Variants in PXDC1 observed in about 807,000 individuals in gnomAD.
PXDC1 encodes the protein PX domain containing 1.
Under a neutral mutation model 24.4 loss-of-function variants are expected in PXDC1, and 13 were observed. The ratio of observed to expected loss-of-function variants is 0.53; its 90% CI spans 0.35 to 0.85. The LOEUF (loss-of-function observed/expected upper bound fraction) is 0.85. PXDC1 is among the 40% of genes least tolerant of loss of function. The pLI is 0.01. For missense variants in PXDC1, 344 were observed against 309.3 expected (o/e 1.11, Z -0.84); for synonymous variants, 162 against 124.9 (o/e 1.30, Z -1.98).
intron 1 of PXDC1, among the ~76,000 whole-genome samples, chr6:3,749,768 G>T (rs1041701767): frequency 1.3e-5 from 2 of 152,192 alleles, no homozygotes; most frequent in African/African-American, 4.8e-5. Flanking sequence ...TACAGGTGGG[G>T]AGCCCCACGG....
At chr6:3,749,475 T>C (rs972793266) in intron 1 of PXDC1, among the ~76,000 whole-genome samples, 2 of 146,194 alleles carry the variant, frequency 1.4e-5, no homozygotes, top group African/African-American at 2.5e-5. Flanking sequence ...CCACACAGCT[T>C]GTGACCGCGT....
rs531095628 is a variant in PXDC1 at position 3,734,700 on chromosome 6, A to C, written c.466+2379T>G. Among the ~76,000 whole-genome samples, 3 of 152,302 alleles carry C rather than the reference A, an allele frequency of 2.0e-5. No individual in the cohort carries two copies. In the South Asian group the frequency reaches 6.2e-4, roughly 32 times the overall value. ...ACATAGGAAGGTATCTTAGGGAGAT[A>C]TCAAAAGCAGCATACCACCCAAAGT... is the stretch of plus-strand genomic sequence containing the variant. On this transcript the variant is annotated intron_variant, in intron 3 of 4. Coordinates refer to ENST00000380283, the MANE Select transcript of PXDC1 (RefSeq NM_183373.4).
chr6:3,732,255 C>A (rs1760216573), intron 3 of PXDC1, among the ~76,000 whole-genome samples: 1 of 152,204 alleles, frequency 6.6e-6, no homozygotes, highest in Non-Finnish European at 1.5e-5. Context: ...TGAAAGCATT[C>A]ATACTCTAGC....
rs535733092 is a variant in PXDC1, at chr6:3,724,803, G to C, written c.579-1067C>G. On this transcript the variant is annotated intron_variant, in intron 4 of 4. Transcript: ENST00000380283. This position sits in a 1 kb window ranked among gnomAD's most constrained non-coding sequence, Gnocchi z 4.5. ...CCGGACACACAACAAGGCAGGGCGAGCATATGTCCCCCACAAACCTAGTAC... is the reference window on the plus strand; with the variant it reads ...CCGGACACACAACAAGGCAGGGCGACCATATGTCCCCCACAAACCTAGTAC... Among the ~76,000 whole-genome samples, 1 of 152,352 alleles carries C rather than the reference G, an allele frequency of 6.6e-6. No individual in the cohort carries two copies. Among genetic ancestry groups the C allele is most frequent in the South Asian group, 2.1e-4 (1 of 4,830 alleles).
chr6:3,732,192 C>T (rs755065228), intron 3 of PXDC1, among the ~76,000 whole-genome samples: 9 of 152,048 alleles, frequency 5.9e-5, no homozygotes, highest in Non-Finnish European at 7.4e-5. Context: ...ACGTCACAAC[C>T]CCTCACTTCA....
At chr6:3,733,993 G>C (rs1760260041) in intron 3 of PXDC1, among the ~76,000 whole-genome samples, 1 of 152,142 alleles carries the variant, frequency 6.6e-6, no homozygotes, top group Non-Finnish European at 1.5e-5. Flanking sequence ...GTCTTGACTT[G>C]CATAAGGAGG....
chr6:3,740,314 G>A (rs186194065), intron 1 of PXDC1, among the ~76,000 whole-genome samples: 247 of 152,316 alleles, frequency 1.6e-3, no homozygotes, highest in Non-Finnish European at 2.7e-3. Context: ...AATATATTCT[G>A]CGGTACACTG....
At chr6:3,739,744 C>G (rs929157936) in intron 1 of PXDC1, among the ~76,000 whole-genome samples, 2 of 152,254 alleles carry the variant, frequency 1.3e-5, no homozygotes, top group African/African-American at 4.8e-5. Context: ...TCTCCGGATG[C>G]CTCCTCCCAA....
At chr6:3,750,805 G>A (rs1760690982) in intron 1 of PXDC1, among the ~76,000 whole-genome samples, 1 of 152,100 alleles carries the variant, frequency 6.6e-6, no homozygotes, top group Admixed American at 6.5e-5. Context: ...CCTCCGCGGG[G>A]AGAACTCGGG....
At chr6:3,736,054 A>G (rs936955052) in intron 3 of PXDC1, among the ~76,000 whole-genome samples, 5 of 152,106 alleles carry the variant, frequency 3.3e-5, no homozygotes, top group Non-Finnish European at 5.9e-5. Flanking sequence ...TCTCCCAAGC[A>G]CACAATTCAG....
Position 3,727,589 on chromosome 6 carries a change from TCC to T in PXDC1, c.538_539del (p.Gly180LysfsTer15). The T allele has an allele frequency of 6.2e-7, 1 of 1,613,416 alleles. No individual in the cohort carries two copies. Among genetic ancestry groups the T allele is most frequent in the Non-Finnish European group, 8.5e-7 (1 of 1,179,306 alleles). ...TIVIDHSIPNGRDQQLGVDPT... is the reference protein window; with the variant it reads ...TIVIDHSIPNXRDQQLGVDPT... ...GGTCCACGCCCAGCTGCTGGTCTCT[TCC>T]ATTTGGTATACTGTGGTCAATAACT... On this transcript the variant is annotated frameshift_variant, in exon 4 of 5. Transcript: ENST00000380283. LOFTEE classifies it high-confidence loss of function.
chr6:3,737,870 T>C lies in PXDC1; in HGVS notation c.348+187A>G. ...GCCACTGGAGCCCATGAAAGCCTTC[T>C]TTCTCCTGATTACACCTGCACACCT... is the stretch of plus-strand genomic sequence containing the variant. On this transcript the variant is annotated intron_variant, in intron 2 of 4. Transcript: ENST00000380283. This position sits in a 1 kb window ranked among gnomAD's most constrained non-coding sequence, Gnocchi z 5.5. The C allele has an allele frequency of 4.0e-6, 1 of 250,224 alleles. No homozygotes were observed. 15.5% of individuals were successfully genotyped at this position (250,224 alleles called of 1,614,324 possible).
intron 1 of PXDC1, 90 bp from the exon 2 acceptor site, chr6:3,738,238 C>T (rs1044574506): frequency 1.1e-6 from 1 of 944,846 alleles, no homozygotes; most frequent in Non-Finnish European, 1.7e-6. Flanking sequence ...CACAAACCGC[C>T]AGGGTCGTCA....
intron 1 of PXDC1, chr6:3,738,859 G>A (rs61736282): frequency 1.5e-6 from 2 of 1,303,310 alleles, no homozygotes. Context: ...CAGAGCAGAA[G>A]TCTTCCCATC....
rs1425331351 is a variant in PXDC1 at position 3,751,669 on chromosome 6, G to A, written c.-138C>T. ...GTCGGCCCGTCACTCCAAGGAGGCT[G>A]CGTATGGCCCGCGTTCGGGGCAGCG... On this transcript the variant is annotated 5_prime_UTR_variant, in exon 1 of 5. Coordinates refer to ENST00000380283, the MANE Select transcript of PXDC1 (RefSeq NM_183373.4). 6 of 1,233,402 alleles carry A rather than the reference G, an allele frequency of 4.9e-6. No individual in the cohort carries two copies. In the African/African-American group the frequency reaches 7.9e-5, roughly 16 times the overall value. 76.4% of individuals were successfully genotyped at this position (1,233,402 alleles called of 1,614,324 possible).
At position 3,725,767 on chromosome 6, in the gene PXDC1, G is replaced by A. The variant is rs963721479; in HGVS notation, c.578+1784C>T. Among the ~76,000 whole-genome samples the A allele has an allele frequency of 2.0e-5, 3 of 152,220 alleles. No homozygotes were observed. The highest frequency in any genetic ancestry group is 2.9e-5 in the Non-Finnish European group (2 of 68,036). On this transcript the variant is annotated intron_variant, in intron 4 of 4. Transcript: ENST00000380283. The surrounding 1 kb of genome is among the most constrained non-coding windows in gnomAD (Gnocchi z 4.8). Reference sequence around the variant, plus strand: ...TGTGAGACACTGGAGCTGGACCATCGACTCCACTGCACTGCCCGAGATTGA... The same window carrying A: ...TGTGAGACACTGGAGCTGGACCATCAACTCCACTGCACTGCCCGAGATTGA...
In PXDC1 at chr6:3,725,210, AAC is replaced by A. The variant is rs1292311209; in HGVS notation, c.579-1476_579-1475del. 6.6e-6 allele frequency among the ~76,000 whole-genome samples: 1 copy of A among 152,148 alleles called. No individual in the cohort carries two copies. The highest frequency in any genetic ancestry group is 1.5e-5 in the Non-Finnish European group (1 of 68,014). On this transcript the variant is annotated intron_variant, in intron 4 of 4. Transcript: ENST00000380283. This position sits in a 1 kb window ranked among gnomAD's most constrained non-coding sequence, Gnocchi z 4.8. ...GGGACAGAGCCACAGCGCCACCTCA[AAC>A]AGTGTCCCACCACCTGCCCGTCCTC...
chr6:3,732,207 C>A (rs2127598871), intron 3 of PXDC1, among the ~76,000 whole-genome samples: 1 of 152,312 alleles, frequency 6.6e-6, no homozygotes, highest in Middle Eastern at 3.4e-3. Flanking sequence ...ACTTCAATAA[C>A]TCTATTCCTT....
intron 1 of PXDC1, among the ~76,000 whole-genome samples, chr6:3,746,339 G>A (rs1760570875): frequency 6.6e-6 from 1 of 152,182 alleles, no homozygotes; most frequent in Admixed American, 6.5e-5. Context: ...TGGGCGGCGG[G>A]GTTTGGGCTT....
Sources: gnomAD v4.1 joint callset for allele counts (sites outside exome capture counted in the v4.1 genomes callset) on GRCh38, gnomAD v4.1.1 for gene constraint, Gnocchi (gnomAD v3.1) non-coding constraint, MANE v1.5 for transcripts, NCBI Gene and HGNC (gene_info 2026-07-23, HGNC 2026-07-21) for gene names.